FHOD3: variants seen among roughly 807,000 people sequenced by gnomAD.
The protein encoded by FHOD3 is formin homology 2 domain containing 3.
FHOD3 carries 90 observed loss-of-function variants against 173.0 expected under a neutral mutation model. The observed-to-expected ratio is 0.52, with a 90% confidence interval of 0.44 to 0.62. The LOEUF is 0.62. Ranked by LOEUF, FHOD3 falls within the 20% of genes least tolerant of loss-of-function variation. The pLI is 0.00. For synonymous variants in FHOD3, 828 were observed against 823.0 expected, an observed-to-expected ratio of 1.01 and a Z score of -0.10; for missense variants, 1,945 against 2,034.7, an observed-to-expected ratio of 0.96 and a Z score of 0.85.
At chr18:36,500,628 C>T (rs1329820236) in intron 3 of FHOD3, among the ~76,000 whole-genome samples, 1 of 152,168 alleles carries the variant, frequency 6.6e-6, no homozygotes, top group Non-Finnish European at 1.5e-5. Context: ...ACTGTCTGTT[C>T]CCATTTTACA....
chr18:36,475,483 G>A (rs1488851568), intron 3 of FHOD3, among the ~76,000 whole-genome samples: 3 of 151,654 alleles, frequency 2.0e-5, no homozygotes, highest in Admixed American at 1.3e-4. Flanking sequence ...GGAGGGGTTG[G>A]GTGCGGGGTG....
chr18:36,411,526 T>C (rs1417821038), intron 3 of FHOD3, among the ~76,000 whole-genome samples: 1 of 152,248 alleles, frequency 6.6e-6, no homozygotes, highest in African/African-American at 2.4e-5. Flanking sequence ...AAACACCTTT[T>C]TGTTCCTATT....
intron 5 of FHOD3, among the ~76,000 whole-genome samples, chr18:36,531,706 A>C (rs1434230236): frequency 6.6e-6 from 1 of 152,238 alleles, no homozygotes; most frequent in South Asian, 2.1e-4. Context: ...TATAGACTGA[A>C]TAAGTCTGAA....
At chr18:36,547,842 G>A (rs746775842) in intron 5 of FHOD3, among the ~76,000 whole-genome samples, 20 of 152,136 alleles carry the variant, frequency 1.3e-4, no homozygotes, top group Non-Finnish European at 2.6e-4. Flanking sequence ...GCTAAGCCTG[G>A]AAAGAAAACA....
intron 20 of FHOD3, among the ~76,000 whole-genome samples, chr18:36,735,051 C>T (rs1379253182): frequency 1.3e-5 from 2 of 152,130 alleles, no homozygotes; most frequent in Non-Finnish European, 2.9e-5. Flanking sequence ...AGTAAAATGG[C>T]ATCAAATTAT....
At chr18:36,416,997 G>T (rs771616594) in intron 3 of FHOD3, among the ~76,000 whole-genome samples, 11 of 150,546 alleles carry the variant, frequency 7.3e-5, no homozygotes, top group Non-Finnish European at 1.6e-4. Flanking sequence ...AGAACATATA[G>T]ATATATATAC....
chr18:36,640,234 A>G (rs1356643518), intron 10 of FHOD3, among the ~76,000 whole-genome samples: 1 of 152,232 alleles, frequency 6.6e-6, no homozygotes, highest in African/African-American at 2.4e-5. Context: ...TCAGAGCAAC[A>G]GCTGGGCTCT....
At chr18:36,553,487 C>G (rs1296152397) in intron 5 of FHOD3, among the ~76,000 whole-genome samples, 2 of 152,152 alleles carry the variant, frequency 1.3e-5, no homozygotes, top group Admixed American at 6.5e-5. Context: ...ATTATTGCCT[C>G]AATTTCAGAG....
chr18:36,732,818 G>T (rs544364578), intron 20 of FHOD3, among the ~76,000 whole-genome samples: 1 of 152,176 alleles, frequency 6.6e-6, no homozygotes. Flanking sequence ...CTGCTGTTGG[G>T]TGGACCTGGA....
At chr18:36,590,224 G>C (rs1425787156) in intron 6 of FHOD3, among the ~76,000 whole-genome samples, 1 of 152,164 alleles carries the variant, frequency 6.6e-6, no homozygotes, top group African/African-American at 2.4e-5. Context: ...GGGCACCAAG[G>C]GTGGATTTTT....
rs181372779 is a variant in FHOD3 at position 36,306,912 on chromosome 18, T to C, written c.165+8912T>C. 5.3e-5 allele frequency among the ~76,000 whole-genome samples: 8 copies of C among 152,312 alleles called. No individual in the cohort carries two copies. The East Asian group carries it at 1.4e-3, about 26-fold the overall frequency. ...CACCTCCTGACTTCTTCATGTATCATAGTGACCAGTTGCCCTCCGGCCTTG... is the reference window on the plus strand; with the variant it reads ...CACCTCCTGACTTCTTCATGTATCACAGTGACCAGTTGCCCTCCGGCCTTG... On this transcript the variant is annotated intron_variant, in intron 1 of 28. Coordinates refer to ENST00000590592, the MANE Select transcript of FHOD3 (RefSeq NM_001281740.3).
chr18:36,430,407 G>T (rs139214593), intron 3 of FHOD3, among the ~76,000 whole-genome samples: 1 of 152,048 alleles, frequency 6.6e-6, no homozygotes, highest in Non-Finnish European at 1.5e-5. Context: ...GTAGAGATGG[G>T]GTTTCTCCAT....
chr18:36,344,517 T>C (rs1185797783), intron 1 of FHOD3, among the ~76,000 whole-genome samples: 1 of 152,142 alleles, frequency 6.6e-6, no homozygotes, highest in Non-Finnish European at 1.5e-5. Flanking sequence ...GGAAGGCATA[T>C]TATCTATAGG....
intron 2 of FHOD3, among the ~76,000 whole-genome samples, chr18:36,360,007 T>A (rs1041278323): frequency 6.6e-6 from 1 of 152,218 alleles, no homozygotes; most frequent in African/African-American, 2.4e-5. Context: ...ATCTCAACTT[T>A]TAGTTAAGAG....
intron 3 of FHOD3, among the ~76,000 whole-genome samples, chr18:36,377,694 A>G (rs1237094247): frequency 1.3e-5 from 2 of 152,220 alleles, no homozygotes; most frequent in African/African-American, 4.8e-5. Context: ...TAGGATCCAC[A>G]CAGATGCAGC....
At chr18:36,315,908 G>T (rs772654614) in intron 1 of FHOD3, among the ~76,000 whole-genome samples, 1 of 152,094 alleles carries the variant, frequency 6.6e-6, no homozygotes, top group Non-Finnish European at 1.5e-5. Context: ...GCTGTGATTT[G>T]CTAGGCCCTG....
chr18:36,447,115 T>A (rs2051532209), intron 3 of FHOD3, among the ~76,000 whole-genome samples: 1 of 152,170 alleles, frequency 6.6e-6, no homozygotes, highest in Non-Finnish European at 1.5e-5. Flanking sequence ...GTCTTTAGAA[T>A]CCAGAGACAA....
chr18:36,450,392 A>G (rs1285328544), intron 3 of FHOD3, among the ~76,000 whole-genome samples: 1 of 152,082 alleles, frequency 6.6e-6, no homozygotes, highest in Non-Finnish European at 1.5e-5. Flanking sequence ...TTTTAAAGGG[A>G]AGTGGTTAAG....
intron 10 of FHOD3, among the ~76,000 whole-genome samples, 170 bp from the exon 11 acceptor site, chr18:36,649,146 A>T (rs1471608933): frequency 1.3e-5 from 2 of 149,858 alleles, no homozygotes; most frequent in Non-Finnish European, 3.0e-5. Context: ...TAACAGACTG[A>T]GTGTGCTTTT....
Sources: allele counts gnomAD v4.1 joint callset (sites outside exome capture counted in the v4.1 genomes callset), GRCh38; gene constraint gnomAD v4.1.1; transcripts MANE v1.5; gene names NCBI Gene and HGNC (gene_info 2026-07-23, HGNC 2026-07-21).